Variants in RIMS1 observed in about 807,000 individuals in gnomAD.
RIMS1 encodes regulating synaptic membrane exocytosis protein 1.
Under a neutral mutation model 214.1 loss-of-function variants are expected in RIMS1, and 83 were observed. The observed-to-expected ratio is 0.39, with a 90% CI of 0.32 to 0.47. RIMS1 has a LOEUF of 0.47. Among genes scored for constraint, RIMS1 ranks in the 20% least tolerant of loss-of-function variants. The pLI is 0.99. For synonymous variants in RIMS1, 793 were observed against 786.8 expected (o/e 1.01, Z -0.13); for missense variants, 2,050 against 2,161.8 (o/e 0.95, Z 1.03).
intron 2 of RIMS1, among the ~76,000 whole-genome samples, chr6:72,024,738 A>G (rs1168124672): frequency 6.6e-6 from 1 of 152,094 alleles, no homozygotes; most frequent in African/African-American, 2.4e-5. Context: ...ACTGTCCCAT[A>G]TATTATCAAT....
At chr6:72,021,419 C>T (rs908599252) in intron 2 of RIMS1, among the ~76,000 whole-genome samples, 18 of 152,274 alleles carry the variant, frequency 1.2e-4, no homozygotes, top group Admixed American at 1.2e-3. Flanking sequence ...ACTCTTTAAA[C>T]ATTTATCAGA....
chr6:72,090,179 A>AT (rs1164533694), intron 2 of RIMS1, among the ~76,000 whole-genome samples: 9 of 151,880 alleles, frequency 5.9e-5, no homozygotes, highest in East Asian at 1.9e-4. Context: ...ATAAAAAAAA[A>AT]TTTTTTTTAT....
intron 2 of RIMS1, among the ~76,000 whole-genome samples, chr6:72,052,118 G>A (rs1007898213): frequency 1.3e-5 from 2 of 152,174 alleles, no homozygotes; most frequent in South Asian, 4.1e-4. Context: ...AAACTGTATT[G>A]AGTCCTCTGG....
intron 28 of RIMS1, among the ~76,000 whole-genome samples, chr6:72,332,981 T>C (rs1318663379): frequency 6.6e-6 from 1 of 151,662 alleles, no homozygotes; most frequent in Non-Finnish European, 1.5e-5. Context: ...ATGAAGAAGT[T>C]TGTGTGGAGG....
intron 2 of RIMS1, among the ~76,000 whole-genome samples, chr6:72,012,283 G>C (rs1360445173): frequency 6.6e-6 from 1 of 152,056 alleles, no homozygotes; most frequent in Non-Finnish European, 1.5e-5. Flanking sequence ...TGAACAATGA[G>C]AACACGTGGA....
At chr6:72,381,663 G>A (rs567888838) in intron 29 of RIMS1, among the ~76,000 whole-genome samples, 2 of 152,338 alleles carry the variant, frequency 1.3e-5, no homozygotes, top group East Asian at 1.9e-4. Context: ...CAATAGCTCA[G>A]CGAATGGAAA....
At chr6:72,312,586 T>A (rs1165418460) in intron 27 of RIMS1, among the ~76,000 whole-genome samples, 1 of 152,044 alleles carries the variant, frequency 6.6e-6, no homozygotes, top group African/African-American at 2.4e-5. Flanking sequence ...CAGAGACAAA[T>A]TTAAAGGCAT....
chr6:72,061,288 T>C (rs1319741041), intron 2 of RIMS1, among the ~76,000 whole-genome samples: 2 of 152,228 alleles, frequency 1.3e-5, no homozygotes, highest in Non-Finnish European at 1.5e-5. Context: ...TTCAAAATTA[T>C]AATGTGGTAT....
intron 6 of RIMS1, among the ~76,000 whole-genome samples, chr6:72,199,666 A>G (rs2051590589): frequency 6.6e-6 from 1 of 152,118 alleles, no homozygotes; most frequent in South Asian, 2.1e-4. Context: ...GATTGTGTTC[A>G]GATTTTAGGA....
At chr6:72,235,566 A>T in intron 7 of RIMS1, 52 bp from the exon 8 acceptor site, 1 of 1,113,166 alleles carries the variant, frequency 9.0e-7, no homozygotes. Flanking sequence ...TTATAGCTGA[A>T]TGCATTACAT....
intron 2 of RIMS1, among the ~76,000 whole-genome samples, chr6:72,005,126 GA>G (rs1165597311): frequency 6.6e-6 from 1 of 152,120 alleles, no homozygotes; most frequent in Non-Finnish European, 1.5e-5. Flanking sequence ...ATTAAATAGG[GA>G]ATCCTTTCCC....
At chr6:72,047,237 G>A (rs1182660147) in intron 2 of RIMS1, among the ~76,000 whole-genome samples, 1 of 152,064 alleles carries the variant, frequency 6.6e-6, no homozygotes, top group Non-Finnish European at 1.5e-5. Context: ...CTTTGAATAA[G>A]CTCATCAGAC....
intron 2 of RIMS1, among the ~76,000 whole-genome samples, chr6:72,052,234 G>T (rs1046413858): frequency 6.6e-6 from 1 of 152,130 alleles, no homozygotes; most frequent in African/African-American, 2.4e-5. Context: ...CAGCTTGCTT[G>T]GTTACCAGTT....
chr6:72,394,355 T>C (rs1283971096), intron 31 of RIMS1, among the ~76,000 whole-genome samples: 1 of 151,636 alleles, frequency 6.6e-6, no homozygotes, highest in Non-Finnish European at 1.5e-5. Flanking sequence ...AAGAAGTAGT[T>C]ATAATATTCT....
chr6:72,073,319 A>T (rs1386850179), intron 2 of RIMS1, among the ~76,000 whole-genome samples: 1 of 152,188 alleles, frequency 6.6e-6, no homozygotes, highest in Non-Finnish European at 1.5e-5. Context: ...AATGCAAATC[A>T]TATCCTTGCC....
chr6:72,386,893 C>G (rs944844519), intron 29 of RIMS1, among the ~76,000 whole-genome samples: 1 of 151,874 alleles, frequency 6.6e-6, no homozygotes, highest in African/African-American at 2.4e-5. Flanking sequence ...GCCACCACAC[C>G]TGGCTAATTT....
intron 2 of RIMS1, among the ~76,000 whole-genome samples, chr6:72,060,048 C>T (rs1480792135): frequency 6.6e-6 from 1 of 152,036 alleles, no homozygotes; most frequent in Non-Finnish European, 1.5e-5. Context: ...AAGCGATTCT[C>T]CTGCCTCAGC....
chr6:72,388,566 G>T (rs2098651841), intron 29 of RIMS1, among the ~76,000 whole-genome samples: 2 of 152,190 alleles, frequency 1.3e-5, no homozygotes, highest in Non-Finnish European at 2.9e-5. Flanking sequence ...AATATTCTGA[G>T]GAGGAAAGGA....
intron 2 of RIMS1, among the ~76,000 whole-genome samples, chr6:72,042,973 A>G (rs2152093448): frequency 6.6e-6 from 1 of 151,948 alleles, no homozygotes; most frequent in African/African-American, 2.4e-5. Context: ...AATTTTAACA[A>G]TCAGAAATCA....
Sources: allele counts gnomAD v4.1 joint callset (sites outside exome capture counted in the v4.1 genomes callset), GRCh38; gene constraint gnomAD v4.1.1; transcripts MANE v1.5; gene names NCBI Gene and HGNC (gene_info 2026-07-23, HGNC 2026-07-21).